THOC2: variants seen among roughly 807,000 people sequenced by gnomAD.
THOC2 encodes the protein THO complex 2.
In THOC2, 10 loss-of-function variants were observed where a neutral mutation model predicts 128.4. That is an observed-to-expected ratio of 0.08 (90% CI 0.05 to 0.13). THOC2 has a LOEUF of 0.13. Among genes scored for constraint, THOC2 ranks in the 10% least tolerant of loss-of-function variants. THOC2 has a pLI of 1.00. For missense variants in THOC2, 535 were observed against 1,155.7 expected (o/e 0.46, Z 7.79); for synonymous variants, 393 against 396.9 (o/e 0.99, Z 0.12).
intron 8 of THOC2, among the ~76,000 whole-genome samples, chrX:123,681,009 ACC>A (rs1194106338): frequency 9.1e-6 from 1 of 109,920 alleles, no homozygotes; most frequent in Non-Finnish European, 1.9e-5. Context: ...ACATGTACAC[ACC>A]CAACTCACGT....
intron 12 of THOC2, among the ~76,000 whole-genome samples, chrX:123,658,737 G>A (rs1454251189): frequency 8.9e-6 from 1 of 111,841 alleles, no homozygotes; most frequent in Non-Finnish European, 1.9e-5. Context: ...GATTTTTTAG[G>A]GCAGTGATAA....
intron 12 of THOC2, among the ~76,000 whole-genome samples, chrX:123,655,848 G>A (rs919741841): frequency 1.8e-5 from 2 of 110,790 alleles, no homozygotes; most frequent in South Asian, 7.6e-4. Context: ...AATTACCATG[G>A]CAGAGTAAAA....
chrX:123,711,189 T>G (rs1484710580), intron 2 of THOC2, among the ~76,000 whole-genome samples: 12 of 102,682 alleles, frequency 1.2e-4, no homozygotes, highest in Admixed American at 4.2e-4. Context: ...CAGCTAATTT[T>G]TTTTTGTTTT....
chrX:123,624,766 G>A, intron 25 of THOC2, 97 bp from the exon 26 acceptor site: 1 of 816,711 alleles, frequency 1.2e-6, no homozygotes. Context: ...TAATAAACAG[G>A]TAAGCCTAGT....
At chrX:123,654,883 C>T (rs2048509465) in intron 12 of THOC2, among the ~76,000 whole-genome samples, 1 of 108,953 alleles carries the variant, frequency 9.2e-6, no homozygotes, top group Non-Finnish European at 1.9e-5. Flanking sequence ...AGTAGCTGAT[C>T]GGGCTGCATA....
chrX:123,623,888 G>A lies in THOC2; in HGVS notation c.3402C>T (p.Tyr1134=). 3.3e-6 allele frequency: 4 copies of A among 1,210,190 alleles called. No individual in the cohort carries two copies. The highest frequency in any genetic ancestry group is 4.5e-6 in the Non-Finnish European group (4 of 894,924). ...CTTGACCCAGATTCAAAACTTTTGGGTACCAAGGAAGTATTTTTGTTAGCA... is the reference window on the plus strand; with the variant it reads ...CTTGACCCAGATTCAAAACTTTTGGATACCAAGGAAGTATTTTTGTTAGCA... The part of the protein sequence containing the change: ...LIVLTKILPW[Y]PKVLNLGQAL... Residue 1134 remains tyrosine (Y), a synonymous_variant, in exon 28 of 39, where the codon TAC becomes TAT. Coordinates refer to ENST00000245838, the MANE Select transcript of THOC2 (RefSeq NM_001081550.2).
chrX:123,600,625 T>TA lies in THOC2; in HGVS notation c.*731dup, dbSNP rs1225749139. Reference sequence around the variant, plus strand: ...GGTTACACTGGTAGAATTCGGCAGATAAAAAAATTCTCTTTTAAAAATGTC... The same window carrying TA: ...GGTTACACTGGTAGAATTCGGCAGATAAAAAAAATTCTCTTTTAAAAATGTC... On this transcript the variant is annotated 3_prime_UTR_variant, in exon 39 of 39. Transcript: ENST00000245838. 1.8e-5 allele frequency: 2 copies of TA among 112,510 alleles called. No individual in the cohort carries two copies. Among genetic ancestry groups the TA allele is most frequent in the African/African-American group, 3.2e-5 (1 of 30,927 alleles). 9.3% of individuals were successfully genotyped at this position (112,510 alleles called of 1,213,427 possible).
chrX:123,662,826 T>G (rs754762280), intron 12 of THOC2, among the ~76,000 whole-genome samples: 4 of 111,205 alleles, frequency 3.6e-5, no homozygotes, highest in Non-Finnish European at 7.5e-5. Context: ...TCACTAAAGA[T>G]AACTATAAAT....
At chrX:123,663,623 G>GT (rs754845207) in intron 12 of THOC2, among the ~76,000 whole-genome samples, 1,907 of 99,960 alleles carry the variant, frequency 0.019, 21 homozygotes, top group African/African-American at 0.042. Context: ...GTACTATTCT[G>GT]TTTTTTTTTT....
Position 123,733,026 on chromosome X carries a change from C to A in THOC2, c.-4G>T. 1 of 1,210,955 alleles carries A rather than the reference C, an allele frequency of 8.3e-7. No homozygotes were observed. Among genetic ancestry groups the A allele is most frequent in the East Asian group, 3.0e-5 (1 of 33,834 alleles). ...CCACCACAGCCGCGGCCGCCATCTT[C>A]CTCTCACTAGTAGCAGAAGCCCGGA... On this transcript the variant is annotated 5_prime_UTR_variant, in exon 1 of 39. Coordinates refer to ENST00000245838, the MANE Select transcript of THOC2 (RefSeq NM_001081550.2).
intron 8 of THOC2, among the ~76,000 whole-genome samples, chrX:123,680,555 T>C: frequency 9.1e-6 from 1 of 110,448 alleles, no homozygotes; most frequent in Non-Finnish European, 1.9e-5. Context: ...TTTGTCTCTG[T>C]GTCTCTTCCT....
chrX:123,701,283 G>C (rs1472944131), intron 4 of THOC2, among the ~76,000 whole-genome samples: 1 of 112,285 alleles, frequency 8.9e-6, no homozygotes, highest in African/African-American at 3.2e-5. Flanking sequence ...TAGAACCCAG[G>C]AAGCAGAGGT....
intron 1 of THOC2, among the ~76,000 whole-genome samples, chrX:123,732,403 G>A (rs1471321499): frequency 8.9e-6 from 1 of 112,550 alleles, no homozygotes; most frequent in Admixed American, 9.3e-5. Context: ...GAGGGCGAGA[G>A]GTGCCAAACC....
At chrX:123,632,665 TA>T (rs954902012) in intron 21 of THOC2, among the ~76,000 whole-genome samples, 195 bp downstream of exon 21, 1 of 111,073 alleles carries the variant, frequency 9.0e-6, no homozygotes. Flanking sequence ...CAGCCTTACA[TA>T]TAACATCTCT....
chrX:123,640,404 T>C (rs1401125880), intron 16 of THOC2, 134 bp downstream of exon 16: 4 of 391,453 alleles, frequency 1.0e-5, no homozygotes, highest in Non-Finnish European at 1.8e-5. Context: ...GTGTTAAATA[T>C]ATTGTGTAGT....
intron 2 of THOC2, among the ~76,000 whole-genome samples, chrX:123,710,364 T>A (rs2051129933): frequency 8.9e-6 from 1 of 112,499 alleles, no homozygotes; most frequent in Non-Finnish European, 1.9e-5. Context: ...TGAAAATTCT[T>A]CTATTTTATC....
chrX:123,618,676 A>G (rs1024787948), intron 33 of THOC2, among the ~76,000 whole-genome samples: 3 of 112,149 alleles, frequency 2.7e-5, no homozygotes, highest in Non-Finnish European at 5.7e-5. Flanking sequence ...CACGTTTTAT[A>G]ACAAAGACAA....
chrX:123,685,390 A>G (rs1233319422), intron 8 of THOC2, among the ~76,000 whole-genome samples: 1 of 112,256 alleles, frequency 8.9e-6, no homozygotes, highest in African/African-American at 3.2e-5. Context: ...ATGGGTAAAG[A>G]GTCAGCTAAG....
Position 123,729,410 on chromosome X carries a change from TAG to T in THOC2, c.71+3540_71+3541del, listed in dbSNP as rs767667047. On this transcript the variant is annotated intron_variant, in intron 1 of 38. Coordinates refer to ENST00000245838, the MANE Select transcript of THOC2 (RefSeq NM_001081550.2). ...TTCAAAGTCAAGACCTTCCATTTAA[TAG>T]ACAGTTGTTTTTCATGGCGTACAGT... Among the ~76,000 whole-genome samples, 80 of 112,025 alleles carry T rather than the reference TAG, an allele frequency of 7.1e-4. 1 individual carries two copies. The highest frequency in any genetic ancestry group is 1.0e-3 in the African/African-American group (32 of 30,920).
Sources: gnomAD v4.1 joint callset for allele counts (sites outside exome capture counted in the v4.1 genomes callset) on GRCh38, gnomAD v4.1.1 for gene constraint, MANE v1.5 for transcripts, NCBI Gene and HGNC (gene_info 2026-07-23, HGNC 2026-07-21) for gene names.